Variants in PRCP observed in about 807,000 individuals in gnomAD.
PRCP encodes the protein lysosomal Pro-X carboxypeptidase.
PRCP carries 46 observed loss-of-function variants against 54.2 expected under a neutral mutation model. The observed-to-expected ratio is 0.85, with a 90% CI of 0.67 to 1.09. PRCP has a LOEUF of 1.09. PRCP is among the 50% of genes least tolerant of loss of function. The probability of loss-of-function intolerance (pLI) is 0.00; values close to 1 mark genes in which losing one functional copy is unlikely to be tolerated. For synonymous variants in PRCP, 240 were observed against 212.2 expected (o/e 1.13, Z -1.14); for missense variants, 613 against 596.8 (o/e 1.03, Z -0.28).
intron 1 of PRCP, among the ~76,000 whole-genome samples, chr11:82,885,215 T>C (rs1859837466): frequency 6.6e-6 from 1 of 152,232 alleles, no homozygotes; most frequent in South Asian, 2.1e-4. Context: ...TCAGTTATAG[T>C]CACCAATGCT....
intron 1 of PRCP, among the ~76,000 whole-genome samples, chr11:82,877,958 T>C (rs1316682169): frequency 6.6e-6 from 1 of 152,170 alleles, no homozygotes; most frequent in Non-Finnish European, 1.5e-5. Context: ...AGAGGGAGGC[T>C]GTACCCTGCA....
intron 1 of PRCP, among the ~76,000 whole-genome samples, chr11:82,897,132 A>G (rs1343783574): frequency 6.6e-6 from 1 of 152,182 alleles, no homozygotes; most frequent in Non-Finnish European, 1.5e-5. Context: ...ATGTACCCAG[A>G]GCCTCGATGT....
chr11:82,844,566 G>C (rs561473461), intron 6 of PRCP, among the ~76,000 whole-genome samples: 1 of 151,674 alleles, frequency 6.6e-6, no homozygotes, highest in African/African-American at 2.4e-5. Flanking sequence ...GTGAAACCCC[G>C]TCTCTACTAA....
At position 82,853,252 on chromosome 11, in the gene PRCP, T is replaced by A. The variant is rs2229437; in HGVS notation, c.336A>T (p.Glu112Asp). The A allele has an allele frequency of 3.7e-5, 60 of 1,612,134 alleles. No homozygotes were observed. The highest frequency in any genetic ancestry group is 5.0e-5 in the Non-Finnish European group (59 of 1,178,790). ...NTGFMWDVAE[E>D]LKAMLVFAEH... ...CAGCAAACACCAACATAGCTTTCAG[T>A]TCCTCAGCCACATCCCACATGAACC... The change falls in exon 3 of 9, where the codon GAA (glutamate) becomes GAT (aspartate). Residue 112 changes from glutamate (E) to aspartate (D), a missense_variant. Transcript: ENST00000313010.
At chr11:82,846,216 T>C (rs1355084166) in intron 6 of PRCP, 1 of 152,008 alleles carries the variant, frequency 6.6e-6, no homozygotes, top group Non-Finnish European at 1.5e-5. Context: ...AATGGAACTA[T>C]CCAAGTGAAA....
intron 1 of PRCP, among the ~76,000 whole-genome samples, chr11:82,897,510 A>G (rs1860145424): frequency 1.3e-5 from 2 of 152,218 alleles, no homozygotes; most frequent in Admixed American, 1.3e-4. Context: ...AAATTTCCTT[A>G]AAGAAGTCAA....
At chr11:82,892,575 CTTT>C (rs1860029038) in intron 1 of PRCP, among the ~76,000 whole-genome samples, 1 of 152,096 alleles carries the variant, frequency 6.6e-6, no homozygotes, top group Non-Finnish European at 1.5e-5. Context: ...AATTTTGTTT[CTTT>C]TATTATAATA....
intron 3 of PRCP, among the ~76,000 whole-genome samples, chr11:82,851,276 G>T (rs1469910791): frequency 1.3e-5 from 2 of 151,748 alleles, no homozygotes; most frequent in Non-Finnish European, 2.9e-5. Context: ...AACTTGGATG[G>T]GATTTAATGA....
chr11:82,880,917 G>A (rs1313978232), intron 1 of PRCP, among the ~76,000 whole-genome samples: 1 of 151,456 alleles, frequency 6.6e-6, no homozygotes, highest in Non-Finnish European at 1.5e-5. Context: ...ACTGCCAAGT[G>A]CCTGCTCCCA....
chr11:82,851,474 T>C (rs1346240624), intron 3 of PRCP, among the ~76,000 whole-genome samples: 1 of 149,344 alleles, frequency 6.7e-6, no homozygotes, highest in Non-Finnish European at 1.5e-5. Context: ...GCACCAGTTT[T>C]ATCTCGTATG....
At chr11:82,856,991 C>A (rs1194618488) in intron 2 of PRCP, among the ~76,000 whole-genome samples, 5 of 148,230 alleles carry the variant, frequency 3.4e-5, no homozygotes, top group African/African-American at 1.2e-4. Context: ...GCCGAGATAG[C>A]GCCACTGCAC....
At chr11:82,830,795 A>G (rs1365594296) in intron 8 of PRCP, 2 of 151,952 alleles carry the variant, frequency 1.3e-5, no homozygotes, top group African/African-American at 4.8e-5. Flanking sequence ...TAAATTAACA[A>G]ATCGCCTTTA....
intron 1 of PRCP, 190 bp downstream of exon 1, chr11:82,900,045 G>C (rs963771819): frequency 5.8e-6 from 4 of 684,956 alleles, no homozygotes; most frequent in Non-Finnish European, 9.6e-6. Flanking sequence ...CCAAATTATT[G>C]GTAATGGGAG....
chr11:82,875,889 C>G (rs1859592538), intron 1 of PRCP, among the ~76,000 whole-genome samples: 1 of 152,184 alleles, frequency 6.6e-6, no homozygotes, highest in African/African-American at 2.4e-5. Flanking sequence ...TGGCCCTCTC[C>G]CACTTCATAT....
intron 1 of PRCP, chr11:82,899,841 T>C (rs1860214948): frequency 5.2e-6 from 1 of 193,916 alleles, no homozygotes; most frequent in Non-Finnish European, 1.1e-5. Flanking sequence ...AAAATTTGTA[T>C]TTAGGGCTGC....
At chr11:82,840,138 C>T (rs1858626523) in intron 6 of PRCP, 1 of 151,932 alleles carries the variant, frequency 6.6e-6, no homozygotes, top group Non-Finnish European at 1.5e-5. Flanking sequence ...AAAGCATATG[C>T]TGCAACTCCC....
At chr11:82,857,949 T>C (rs1591053860) in intron 2 of PRCP, among the ~76,000 whole-genome samples, 1 of 152,168 alleles carries the variant, frequency 6.6e-6, no homozygotes. Context: ...TCCCTGGTAC[T>C]GTGCCGCAAA....
intron 1 of PRCP, among the ~76,000 whole-genome samples, chr11:82,862,757 C>T (rs1165740526): frequency 4.6e-5 from 7 of 152,176 alleles, no homozygotes; most frequent in South Asian, 2.1e-4. Flanking sequence ...TTTTTATGGA[C>T]GAGGTATGTA....
At chr11:82,882,041 G>A (rs1859759006) in intron 1 of PRCP, among the ~76,000 whole-genome samples, 1 of 152,172 alleles carries the variant, frequency 6.6e-6, no homozygotes, top group South Asian at 2.1e-4. Flanking sequence ...TTAAGGAAGA[G>A]AAAATATATT....
Sources: gnomAD v4.1 joint callset for allele counts (sites outside exome capture counted in the v4.1 genomes callset) on GRCh38, gnomAD v4.1.1 for gene constraint, MANE v1.5 for transcripts, NCBI Gene and HGNC (gene_info 2026-07-23, HGNC 2026-07-21) for gene names.